The following GLIS3 variants were observed in gnomAD, a reference collection of about 807,000 sequenced individuals.
GLIS3 encodes the protein zinc finger protein GLIS3.
Under a neutral mutation model 78.6 loss-of-function variants are expected in GLIS3, and 53 were observed. That is an observed-to-expected ratio of 0.67 (90% CI 0.54 to 0.85). The LOEUF is 0.85. Among genes scored for constraint, GLIS3 ranks in the 40% least tolerant of loss-of-function variants. The pLI, the probability that GLIS3 is intolerant of heterozygous loss-of-function variation, is 0.00. For missense variants in GLIS3, 1,703 were observed against 1,231.1 expected (o/e 1.38, Z -5.74); for synonymous variants, 684 against 509.9 (o/e 1.34, Z -4.60).
intron 2 of GLIS3, among the ~76,000 whole-genome samples, chr9:4,274,021 T>C (rs964410542): frequency 6.6e-6 from 1 of 152,192 alleles, no homozygotes; most frequent in Non-Finnish European, 1.5e-5. Context: ...CCAGGACATG[T>C]GGCCGAGTCT....
chr9:3,939,225 G>C (rs1200602781), intron 4 of GLIS3, among the ~76,000 whole-genome samples: 2 of 152,208 alleles, frequency 1.3e-5, no homozygotes, highest in African/African-American at 2.4e-5. Flanking sequence ...TTCAGCACCA[G>C]GATGAGAGCG....
At chr9:4,058,519 C>T (rs1285663917) in intron 4 of GLIS3, among the ~76,000 whole-genome samples, 1 of 151,240 alleles carries the variant, frequency 6.6e-6, no homozygotes, top group Non-Finnish European at 1.5e-5. Flanking sequence ...CTATTTTTTC[C>T]AATAAGTCCT....
the GLIS3 span, among the ~76,000 whole-genome samples, chr9:4,405,185 T>A: frequency 6.6e-6 from 1 of 151,922 alleles, no homozygotes; most frequent in Non-Finnish European, 1.5e-5. Context: ...AGAAATCCCA[T>A]CTCTACTAAA....
intron 4 of GLIS3, among the ~76,000 whole-genome samples, chr9:3,973,389 G>A (rs1041509625): frequency 6.6e-6 from 1 of 152,094 alleles, no homozygotes; most frequent in African/African-American, 2.4e-5. Context: ...TTATATGGTT[G>A]GTCTTCCTGG....
At chr9:4,078,462 T>C (rs1437226755) in intron 4 of GLIS3, among the ~76,000 whole-genome samples, 2 of 152,184 alleles carry the variant, frequency 1.3e-5, no homozygotes, top group Non-Finnish European at 2.9e-5. Flanking sequence ...AATATAATTC[T>C]TCTTGCATGG....
intron 6 of GLIS3, chr9:3,900,692 A>C (rs192293446): frequency 8.5e-5 from 13 of 152,308 alleles, no homozygotes; most frequent in Non-Finnish European, 1.8e-4. Flanking sequence ...TATATACAAA[A>C]TGATAATTAC....
chr9:4,393,318 G>C, the GLIS3 span, among the ~76,000 whole-genome samples: 1 of 152,012 alleles, frequency 6.6e-6, no homozygotes, highest in African/African-American at 2.4e-5. Context: ...AGTAAGTTTG[G>C]AGACACTATG....
At chr9:4,222,974 T>C (rs1231365574) in intron 2 of GLIS3, among the ~76,000 whole-genome samples, 1 of 152,184 alleles carries the variant, frequency 6.6e-6, no homozygotes, top group East Asian at 1.9e-4. Context: ...CTTTAACTGT[T>C]GTTCCTTAGG....
At chr9:4,386,751 T>C in the GLIS3 span, among the ~76,000 whole-genome samples, 1 of 152,228 alleles carries the variant, frequency 6.6e-6, no homozygotes, top group Non-Finnish European at 1.5e-5. Context: ...TACTTGGCTC[T>C]ATTCCCAATG....
chr9:3,993,161 T>C (rs1451119018), intron 4 of GLIS3, among the ~76,000 whole-genome samples: 3 of 152,162 alleles, frequency 2.0e-5, no homozygotes, highest in African/African-American at 7.2e-5. Context: ...AACAGTGTCA[T>C]GAACTGGCCT....
chr9:4,170,936 T>C (rs1441314562), intron 2 of GLIS3, among the ~76,000 whole-genome samples: 1 of 152,210 alleles, frequency 6.6e-6, no homozygotes, highest in East Asian at 1.9e-4. Flanking sequence ...TTCATTTCAA[T>C]TAACAATTAT....
rs557994608 is a variant in GLIS3 at position 4,330,127 on chromosome 9, C to T, written n.264+16954G>A. 4.6e-5 allele frequency among the ~76,000 whole-genome samples: 7 copies of T among 152,236 alleles called. No homozygotes were observed. The South Asian group carries it at 1.5e-3, about 32-fold the overall frequency. On this transcript the variant is annotated intron_variant and non_coding_transcript_variant, in intron 2 of 4. Transcript: ENST00000471664. ...CTTTTAGGAAATTCAGTGTAGACTC[C>T]CAAAACCCACATCAGAAATAATGGT...
chr9:4,123,502 G>A lies in GLIS3; in HGVS notation c.596+2232C>T, dbSNP rs1169232538. On this transcript the variant is annotated intron_variant, in intron 3 of 10. Coordinates refer to ENST00000381971, the MANE Select transcript of GLIS3 (RefSeq NM_001042413.2). ...ATTATTTATAATTTTTAAAGAATGG[G>A]AAACAACTAAGTGCCAACTAACAAA... Among the ~76,000 whole-genome samples the A allele has an allele frequency of 4.6e-5, 7 of 152,144 alleles. No homozygotes were observed. The East Asian group carries it at 5.8e-4, about 13-fold the overall frequency.
At position 3,829,431 on chromosome 9, in the gene GLIS3, C is replaced by T. The variant is rs1817917439; in HGVS notation, c.2535G>A (p.Val845=). ...PPHYPDSQRI[V]PPVSSCSVVP... ...CCACACTGCAGGAGCTGACAGGCGG[C>T]ACAATTCTCTGGGAATCGGGGTAGT... is the stretch of plus-strand genomic sequence containing the variant. Residue 845 remains valine (V), a synonymous_variant, in exon 10 of 11, where the codon GTG becomes GTA. Coordinates refer to ENST00000381971, the MANE Select transcript of GLIS3 (RefSeq NM_001042413.2). The T allele has an allele frequency of 6.2e-7, 1 of 1,614,160 alleles. No individual in the cohort carries two copies. The highest frequency in any genetic ancestry group is 8.5e-7 in the Non-Finnish European group (1 of 1,180,018).
chr9:3,931,073 A>G (rs1244551638), intron 6 of GLIS3, among the ~76,000 whole-genome samples: 2 of 152,212 alleles, frequency 1.3e-5, no homozygotes, highest in Non-Finnish European at 2.9e-5. Flanking sequence ...GATCACAGAT[A>G]TCAATTTACT....
At chr9:4,358,622 G>A in the GLIS3 span, among the ~76,000 whole-genome samples, 2 of 152,178 alleles carry the variant, frequency 1.3e-5, no homozygotes, top group African/African-American at 4.8e-5. Flanking sequence ...ATTTAGATGG[G>A]AGTTTTGCAG....
intron 4 of GLIS3, among the ~76,000 whole-genome samples, chr9:4,015,390 A>T (rs2130083305): frequency 6.6e-6 from 1 of 152,316 alleles, no homozygotes; most frequent in East Asian, 1.9e-4. Context: ...ATGAGATGTT[A>T]CCTGTAAAAT....
At chr9:4,364,363 T>C in the GLIS3 span, among the ~76,000 whole-genome samples, 1 of 152,216 alleles carries the variant, frequency 6.6e-6, no homozygotes, top group Non-Finnish European at 1.5e-5. Flanking sequence ...TGGGTGAGGA[T>C]AAGTCTTAAG....
At chr9:4,329,216 T>C (rs960181217) in intron 2 of GLIS3, among the ~76,000 whole-genome samples, 5 of 152,212 alleles carry the variant, frequency 3.3e-5, no homozygotes, top group Non-Finnish European at 7.4e-5. Flanking sequence ...CCCACGATAA[T>C]GTTCTGAGTC....
Sources: gnomAD v4.1 joint callset for allele counts (sites outside exome capture counted in the v4.1 genomes callset) on GRCh38, gnomAD v4.1.1 for gene constraint, MANE v1.5 for transcripts, NCBI Gene and HGNC (gene_info 2026-07-23, HGNC 2026-07-21) for gene names.